FYN: variants seen among roughly 807,000 people sequenced by gnomAD.
FYN encodes the protein FYN proto-oncogene, Src family tyrosine kinase.
In FYN, 10 loss-of-function variants were observed where a neutral mutation model predicts 70.2. The ratio of observed to expected loss-of-function variants is 0.14; its 90% CI spans 0.09 to 0.24. The LOEUF (loss-of-function observed/expected upper bound fraction) is 0.24, where lower values mean the gene tolerates loss of function less well. Ranked by LOEUF, FYN falls within the 10% of genes least tolerant of loss-of-function variation. The probability of loss-of-function intolerance (pLI) is 1.00; values close to 1 mark genes in which losing one functional copy is unlikely to be tolerated. For synonymous variants in FYN, 236 were observed against 248.6 expected (o/e 0.95, Z 0.48); for missense variants, 319 against 673.1 (o/e 0.47, Z 5.82).
intron 1 of FYN, among the ~76,000 whole-genome samples, chr6:111,862,646 C>A (rs1432258554): frequency 1.3e-5 from 2 of 152,156 alleles, no homozygotes; most frequent in African/African-American, 4.8e-5. Flanking sequence ...TCTAGGAGAA[C>A]TGGATTCTAG....
At chr6:111,699,911 ATCT>A (rs1799753423) in intron 9 of FYN, 190 bp downstream of exon 9, 10 of 500,154 alleles carry the variant, frequency 2.0e-5, no homozygotes, top group South Asian at 1.3e-4. Context: ...CCCACTTACT[ATCT>A]TTTTTTTTTT....
rs2128450913 is a variant in FYN at position 111,708,037 on chromosome 6, A to G, written c.345-17T>C. The G allele has an allele frequency of 1.9e-6, 3 of 1,587,822 alleles. No individual in the cohort carries two copies. Among genetic ancestry groups the G allele is most frequent in the East Asian group, 4.5e-5 (2 of 44,768 alleles). On this transcript the variant is annotated splice_polypyrimidine_tract_variant and intron_variant, in intron 5 of 13. Transcript: ENST00000354650. ...TCTCCTTCCCTGTAAATAAAAAAGA[A>G]AAGTAAATATGTTGACCATTTCAAC...
At chr6:111,676,267 T>C (rs905958632) in intron 12 of FYN, among the ~76,000 whole-genome samples, 1 of 152,188 alleles carries the variant, frequency 6.6e-6, no homozygotes, top group African/African-American at 2.4e-5. Context: ...CTGTGTGAAA[T>C]GAAATGAAAG....
chr6:111,661,651 C>T lies in FYN; in HGVS notation c.*88G>A, dbSNP rs973693528. The T allele has an allele frequency of 2.3e-6, 3 of 1,297,064 alleles. No individual in the cohort carries two copies. The African/African-American group carries it at 4.4e-5, about 19-fold the overall frequency. The allele number at this position is 1,297,064 out of a possible 1,614,324, so 80.3% of individuals were successfully genotyped here. A position where few individuals can be genotyped will look rare whatever the true frequency, so the allele number is the denominator to read the frequency against. On this transcript the variant is annotated 3_prime_UTR_variant, in exon 14 of 14. Transcript: ENST00000354650. This position sits in a 1 kb window ranked among gnomAD's most constrained non-coding sequence, Gnocchi z 4.0. ...AATCTGATCCTGGGCGGTTCCGCTG[C>T]TGGGGAGCAGCTGGCTACGGAATTG...
intron 12 of FYN, among the ~76,000 whole-genome samples, chr6:111,675,190 C>T (rs997043180): frequency 6.6e-6 from 1 of 152,176 alleles, no homozygotes; most frequent in East Asian, 1.9e-4. Flanking sequence ...ATTCTTTCTC[C>T]CTGTAGTAGC....
intron 3 of FYN, among the ~76,000 whole-genome samples, chr6:111,774,863 C>T (rs964783804): frequency 1.2e-4 from 18 of 152,062 alleles, no homozygotes; most frequent in African/African-American, 4.3e-4. Flanking sequence ...GAATTATAGG[C>T]GTGTGCCACC....
At chr6:111,727,885 C>G (rs1801263443) in intron 3 of FYN, among the ~76,000 whole-genome samples, 1 of 152,204 alleles carries the variant, frequency 6.6e-6, no homozygotes, top group Non-Finnish European at 1.5e-5. Flanking sequence ...GGCCCCCAGG[C>G]TAAGAGGCAG....
At chr6:111,757,914 T>C (rs1185562742) in intron 3 of FYN, among the ~76,000 whole-genome samples, 3 of 152,182 alleles carry the variant, frequency 2.0e-5, no homozygotes, top group Admixed American at 6.5e-5. Flanking sequence ...CTATGGCACA[T>C]ACGATTTCTT....
Position 111,797,142 on chromosome 6 carries a change from T to C in FYN, c.-81-16507A>G, listed in dbSNP as rs1268490503. On this transcript the variant is annotated intron_variant, in intron 2 of 13. Coordinates refer to ENST00000354650, the MANE Select transcript of FYN (RefSeq NM_002037.5). ...GAAAGTCTCAGTAGTGGAGGATAGA[T>C]CATGCTGCATGTTATCAGGGTCATG... is the stretch of plus-strand genomic sequence containing the variant. Among the ~76,000 whole-genome samples, 23 of 152,328 alleles carry C rather than the reference T, an allele frequency of 1.5e-4. 1 individual carries two copies. The highest frequency in any genetic ancestry group is 2.9e-5 in the Non-Finnish European group (2 of 68,034).
chr6:111,854,047 T>C (rs528194489), intron 1 of FYN, among the ~76,000 whole-genome samples: 7 of 152,208 alleles, frequency 4.6e-5, no homozygotes, highest in Non-Finnish European at 1.0e-4. Context: ...GGTTTATGCC[T>C]GTTGTCGCAG....
At chr6:111,667,425 T>A (rs1798062512) in intron 13 of FYN, among the ~76,000 whole-genome samples, 1 of 149,204 alleles carries the variant, frequency 6.7e-6, no homozygotes, top group South Asian at 2.1e-4. Context: ...TTTTTATTTA[T>A]TTTTTTTTTG....
chr6:111,865,331 T>C (rs922766429), intron 1 of FYN, among the ~76,000 whole-genome samples: 8 of 152,202 alleles, frequency 5.3e-5, no homozygotes, highest in African/African-American at 1.9e-4. Context: ...CACAGCAGGC[T>C]GTTCTGGAAG....
At chr6:111,871,614 GAGA>G (rs1000719041) in intron 1 of FYN, among the ~76,000 whole-genome samples, 17 of 152,210 alleles carry the variant, frequency 1.1e-4, no homozygotes, top group African/African-American at 4.1e-4. Flanking sequence ...TTAGACTTGA[GAGA>G]AGAAGCCATT....
At chr6:111,777,236 G>A (rs1364252247) in intron 3 of FYN, among the ~76,000 whole-genome samples, 9 of 152,190 alleles carry the variant, frequency 5.9e-5, no homozygotes, top group South Asian at 2.1e-4. Flanking sequence ...GTCATTTTTC[G>A]CTTGGAGTTA....
At chr6:111,756,174 C>G (rs985728544) in intron 3 of FYN, among the ~76,000 whole-genome samples, 1 of 151,980 alleles carries the variant, frequency 6.6e-6, no homozygotes, top group African/African-American at 2.4e-5. Context: ...ACTACAGATT[C>G]AGCAAGGATT....
At chr6:111,815,207 C>T (rs1364395013) in intron 2 of FYN, among the ~76,000 whole-genome samples, 1 of 152,162 alleles carries the variant, frequency 6.6e-6, no homozygotes, top group African/African-American at 2.4e-5. Context: ...AGCCCAGCAA[C>T]ACCTCCATGT....
rs112755527 is a variant in FYN, at chr6:111,698,413, G to A, written c.862+1691C>T. On this transcript the variant is annotated intron_variant, in intron 9 of 13. Transcript: ENST00000354650. ...CTCCCAAAGTGCTGGGATTACAGGT[G>A]TGAGCCACTGTGCCCGGCCACCTGT... Among the ~76,000 whole-genome samples the A allele has an allele frequency of 1.7e-3, 264 of 152,282 alleles. 2 individuals carry two copies. The highest frequency in any genetic ancestry group is 6.1e-3 in the African/African-American group (254 of 41,552).
chr6:111,863,990 A>T (rs1013320425), intron 1 of FYN, among the ~76,000 whole-genome samples: 1 of 152,162 alleles, frequency 6.6e-6, no homozygotes, highest in Non-Finnish European at 1.5e-5. Flanking sequence ...TACAGAAAAG[A>T]TGAGAAGCGT....
chr6:111,661,896 G>A lies in FYN; in HGVS notation c.1457C>T (p.Pro486Leu). 6.2e-7 allele frequency: 1 copy of A among 1,614,050 alleles called. No homozygotes were observed. Among genetic ancestry groups the A allele is most frequent in the Non-Finnish European group, 8.5e-7 (1 of 1,179,968 alleles). ...LEQVERGYRM[P>L]CPQDCPISLH... The stretch of plus-strand genomic sequence containing the variant: ...AGAGATGGGGCAGTCCTGCGGGCAG[G>A]GCATCCTGTAGCCTCGCTCCACCTG... The change falls in exon 14 of 14, where the codon CCC (proline) becomes CTC (leucine). Residue 486 changes from proline to leucine, a missense_variant. By Grantham distance (98) the Pro-to-Leu change is moderately conservative. Transcript: ENST00000354650. The surrounding 1 kb of genome is among the most constrained non-coding windows in gnomAD (Gnocchi z 4.0).
Sources: allele counts gnomAD v4.1 joint callset (sites outside exome capture counted in the v4.1 genomes callset), GRCh38; gene constraint gnomAD v4.1.1; non-coding constraint Gnocchi (gnomAD v3.1); transcripts MANE v1.5; gene names NCBI Gene and HGNC (gene_info 2026-07-23, HGNC 2026-07-21).